Variants in ADAM17 observed in about 807,000 individuals in gnomAD.
ADAM17 encodes disintegrin and metalloproteinase domain-containing protein 17.
A neutral mutation model predicts 96.7 loss-of-function variants in ADAM17; 39 were observed. That is an observed-to-expected ratio of 0.40 (90% CI 0.31 to 0.53). The LOEUF is 0.53. ADAM17 is among the 20% of genes least tolerant of loss of function. ADAM17 has a pLI of 0.44. For missense variants in ADAM17, 777 were observed against 1,013.2 expected, an observed-to-expected ratio of 0.77 and a Z score of 3.17; for synonymous variants, 344 against 359.2, an observed-to-expected ratio of 0.96 and a Z score of 0.48.
chr2:9,547,101 ATT>A lies in ADAM17; in HGVS notation c.98-3818_98-3817del, dbSNP rs1268567404. ...TCTACAAGTTGCCACAGCAGTCATC[ATT>A]TTGTTATCTTTTTTGTCATCTGCAT... On this transcript the variant is annotated intron_variant, in intron 1 of 18. Transcript: ENST00000310823. Among the ~76,000 whole-genome samples the A allele has an allele frequency of 3.9e-5, 6 of 152,226 alleles. No homozygotes were observed. In the South Asian group the frequency reaches 1.2e-3, roughly 32 times the overall value.
chr2:9,511,426 G>C (rs1440938955), intron 10 of ADAM17, among the ~76,000 whole-genome samples: 1 of 151,912 alleles, frequency 6.6e-6, no homozygotes, highest in Non-Finnish European at 1.5e-5. Flanking sequence ...CTCCAGCCTA[G>C]GCAACAAGAG....
intron 6 of ADAM17, 102 bp from the exon 7 acceptor site, chr2:9,523,440 G>A (rs990636568): frequency 5.7e-6 from 6 of 1,047,910 alleles, no homozygotes; most frequent in Non-Finnish European, 8.3e-6. Flanking sequence ...CAGTTTAGAG[G>A]CCATTGCAAA....
intron 12 of ADAM17, among the ~76,000 whole-genome samples, chr2:9,502,521 C>T (rs891692275): frequency 1.3e-5 from 2 of 152,170 alleles, no homozygotes; most frequent in Non-Finnish European, 2.9e-5. Context: ...ACACAGCAAT[C>T]ACCTGTGAAA....
intron 4 of ADAM17, among the ~76,000 whole-genome samples, chr2:9,531,444 G>A (rs1365961179): frequency 6.6e-6 from 1 of 152,072 alleles, no homozygotes; most frequent in Admixed American, 6.5e-5. Context: ...GCTCATGCCT[G>A]TAATCCCAGC....
At chr2:9,516,431 T>C (rs1046322061) in intron 10 of ADAM17, among the ~76,000 whole-genome samples, 1 of 152,018 alleles carries the variant, frequency 6.6e-6, no homozygotes, top group Non-Finnish European at 1.5e-5. Flanking sequence ...CAGATGTGTC[T>C]TTTGCAAATG....
intron 12 of ADAM17, among the ~76,000 whole-genome samples, chr2:9,504,871 CTTCTT>C (rs769582319): frequency 7.3e-5 from 11 of 151,514 alleles, no homozygotes; most frequent in African/African-American, 1.7e-4. Flanking sequence ...CAGAAAGCTT[CTTCTT>C]TTCTTATTTG....
At chr2:9,522,384 G>C in intron 7 of ADAM17, 1 of 565,344 alleles carries the variant, frequency 1.8e-6, no homozygotes, top group Non-Finnish European at 3.3e-6. Context: ...AGGCTGCAGA[G>C]ACTTACTTTT....
intron 1 of ADAM17, among the ~76,000 whole-genome samples, chr2:9,547,581 A>G (rs1374252897): frequency 6.6e-6 from 1 of 152,230 alleles, no homozygotes; most frequent in Non-Finnish European, 1.5e-5. Flanking sequence ...TCCACAAAAA[A>G]TAGAACACAA....
At chr2:9,510,185 T>C in intron 10 of ADAM17, 54 bp from the exon 11 acceptor site, 1 of 1,596,542 alleles carries the variant, frequency 6.3e-7, no homozygotes. Context: ...CATCACCTAC[T>C]TCTGCCAGTT....
In ADAM17 at chr2:9,509,837, A is replaced by G. The variant is rs11891922; in HGVS notation, c.1344+142T>C. 598,740 of 1,066,446 alleles carry G rather than the reference A, an allele frequency of 0.56. 177,264 individuals carry two copies. The highest frequency in any genetic ancestry group is 0.71 in the African/African-American group (44,886 of 63,052). 66.1% of individuals were successfully genotyped at this position (1,066,446 alleles called of 1,614,324 possible). On this transcript the variant is annotated intron_variant, in intron 11 of 18. Transcript: ENST00000310823. ...ACCGTGCTTCACCCCAAAACACACA[A>G]CCACGTTTCAAGGTACTTTGTAATT...
chr2:9,503,781 T>A lies in ADAM17; in HGVS notation c.1544+1385A>T, dbSNP rs57467365. Reference sequence around the variant, plus strand: ...TGAACCCAGGAGGCGGAGGTTGCAGTGAGCCAAGATCACGCCACTGCACTC... The same window carrying A: ...TGAACCCAGGAGGCGGAGGTTGCAGAGAGCCAAGATCACGCCACTGCACTC... On this transcript the variant is annotated intron_variant, in intron 12 of 18. Transcript: ENST00000310823. Among the ~76,000 whole-genome samples the A allele has an allele frequency of 0.014, 2,127 of 147,184 alleles. 91 individuals carry two copies. In the East Asian group the frequency reaches 0.18, roughly 12 times the overall value.
chr2:9,532,927 A>G (rs1258262400), intron 4 of ADAM17, among the ~76,000 whole-genome samples: 1 of 152,216 alleles, frequency 6.6e-6, no homozygotes, highest in East Asian at 1.9e-4. Context: ...GTGGTGGCTC[A>G]TGCCTATAAT....
chr2:9,547,829 C>T (rs1665452435), intron 1 of ADAM17, among the ~76,000 whole-genome samples: 1 of 152,186 alleles, frequency 6.6e-6, no homozygotes, highest in Non-Finnish European at 1.5e-5. Flanking sequence ...ATGGGTAGAT[C>T]GCTTGAGCCC....
chr2:9,497,854 T>C (rs906856187), intron 13 of ADAM17, among the ~76,000 whole-genome samples: 8 of 152,076 alleles, frequency 5.3e-5, no homozygotes, highest in Non-Finnish European at 1.5e-5. Context: ...TCACACTCCT[T>C]CTCTCCTTCA....
At position 9,512,996 on chromosome 2, in the gene ADAM17, T is replaced by C. The variant is rs573943551; in HGVS notation, c.1192-2865A>G. 3.3e-5 allele frequency among the ~76,000 whole-genome samples: 5 copies of C among 152,030 alleles called. No individual in the cohort carries two copies. The East Asian group carries it at 9.7e-4, about 29-fold the overall frequency. On this transcript the variant is annotated intron_variant, in intron 10 of 18. Coordinates refer to ENST00000310823, the MANE Select transcript of ADAM17 (RefSeq NM_003183.6). The stretch of plus-strand genomic sequence containing the variant: ...CCCTTCATTTGGCTATTTCTTTGTA[T>C]CCTTTCTTTTTTTTTTATTTTTTGA...
Position 9,521,840 on chromosome 2 carries a change from T to TCTTCCCTGCCTGCCTGCCTGCCTGC in ADAM17, c.844-525_844-524insGCAGGCAGGCAGGCAGGCAGGGAAG, listed in dbSNP as rs375905591. 1,403 of 143,404 alleles carry TCTTCCCTGCCTGCCTGCCTGCCTGC rather than the reference T, an allele frequency of 9.8e-3. 12 individuals are homozygous for TCTTCCCTGCCTGCCTGCCTGCCTGC. Among genetic ancestry groups the TCTTCCCTGCCTGCCTGCCTGCCTGC allele is most frequent in the African/African-American group, 0.016 (615 of 39,184 alleles). The allele number at this position is 143,404 out of a possible 1,614,324, so 8.9% of individuals were successfully genotyped here. A position where few individuals can be genotyped will look rare whatever the true frequency, so the allele number is the denominator to read the frequency against. ...TCAGCTCAGAGTTTCTGTGAGTCTCTCTGCCTGCCTGCCTGCCTGCCTGCC... is the reference window on the plus strand; with the variant it reads ...TCAGCTCAGAGTTTCTGTGAGTCTCTCTTCCCTGCCTGCCTGCCTGCCTGCCTGCCTGCCTGCCTGCCTGCCTGCC... On this transcript the variant is annotated intron_variant, in intron 7 of 18. Coordinates refer to ENST00000310823, the MANE Select transcript of ADAM17 (RefSeq NM_003183.6).
intron 1 of ADAM17, among the ~76,000 whole-genome samples, chr2:9,546,404 G>A (rs1665405164): frequency 6.6e-6 from 1 of 152,144 alleles, no homozygotes; most frequent in African/African-American, 2.4e-5. Flanking sequence ...AGTAAAAACA[G>A]TTCTTCCTTT....
chr2:9,540,136 G>A (rs948789214), intron 2 of ADAM17, among the ~76,000 whole-genome samples: 3 of 152,104 alleles, frequency 2.0e-5, no homozygotes, highest in African/African-American at 7.2e-5. Flanking sequence ...TCTAGAATAC[G>A]GATTCTACAG....
At position 9,502,219 on chromosome 2, in the gene ADAM17, G is replaced by A. The variant is rs757833957; in HGVS notation, c.1602C>T (p.Cys534=). The A allele has an allele frequency of 5.6e-5, 90 of 1,613,934 alleles. No homozygotes were observed. The highest frequency in any genetic ancestry group is 6.9e-5 in the Non-Finnish European group (82 of 1,180,046). The part of the protein sequence containing the change: ...NCQFETAQKK[C]QEAINATCKG... ...TGCAAGTAGCATTAATCGCCTCCTG[G>A]CACTTCTTCTGGGCAGTCTCAAACT... The change falls in exon 13 of 19, where the codon TGC becomes TGT. Residue 534 remains cysteine (C), a synonymous_variant. Coordinates refer to ENST00000310823, the MANE Select transcript of ADAM17 (RefSeq NM_003183.6).
Sources: allele counts gnomAD v4.1 joint callset (sites outside exome capture counted in the v4.1 genomes callset), GRCh38; gene constraint gnomAD v4.1.1; transcripts MANE v1.5; gene names NCBI Gene and HGNC (gene_info 2026-07-23, HGNC 2026-07-21).